Variants in SNED1 observed in about 807,000 individuals in gnomAD.
SNED1 encodes sushi, nidogen and EGF-like domain-containing protein 1.
In SNED1, 81 loss-of-function variants were observed where a neutral mutation model predicts 166.7. That is an observed-to-expected ratio of 0.49 (90% CI 0.41 to 0.58). The LOEUF is 0.58. Among genes scored for constraint, SNED1 ranks in the 20% least tolerant of loss-of-function variants. The probability of loss-of-function intolerance (pLI) is 0.00; values close to 1 mark genes in which losing one functional copy is unlikely to be tolerated. For synonymous variants in SNED1, 762 were observed against 822.0 expected, an observed-to-expected ratio of 0.93 and a Z score of 1.25; for missense variants, 1,604 against 2,000.2, an observed-to-expected ratio of 0.80 and a Z score of 3.78.
chr2:241,010,395 C>T (rs1031958127), intron 1 of SNED1: 6 of 152,352 alleles, frequency 3.9e-5, no homozygotes, highest in African/African-American at 1.4e-4. Context: ...TCTGTGCTTC[C>T]TCCTGAGCCA....
At chr2:241,016,838 TTTTC>T (rs1287643037) in intron 1 of SNED1, among the ~76,000 whole-genome samples, 5 of 150,140 alleles carry the variant, frequency 3.3e-5, no homozygotes, top group African/African-American at 4.9e-5. Flanking sequence ...TAAGTTGCAT[TTTTC>T]TTTCTTTCTT....
In SNED1 at chr2:241,048,669, C is replaced by G. The variant is rs774410922; in HGVS notation, c.1407C>G (p.Pro469=). 1.3e-5 allele frequency: 21 copies of G among 1,609,508 alleles called. No individual in the cohort carries two copies. Among genetic ancestry groups the G allele is most frequent in the Non-Finnish European group, 1.8e-5 (21 of 1,178,300 alleles). ...FMGLDCRERV[P]DDCECRNGGR... The stretch of plus-strand genomic sequence containing the variant: ...TCCCTCTCTTCGTGGCAGGAGTCCC[C>G]GATGACTGTGAGTGCCGCAACGGAG... The change falls in exon 10 of 32, where the codon CCC becomes CCG. Residue 469 remains proline, a synonymous_variant. Coordinates refer to ENST00000310397, the MANE Select transcript of SNED1 (RefSeq NM_001080437.3).
chr2:241,009,360 C>T (rs1051739235), intron 1 of SNED1, among the ~76,000 whole-genome samples: 4 of 152,208 alleles, frequency 2.6e-5, no homozygotes, highest in African/African-American at 9.6e-5. Context: ...AGGCCAGGCA[C>T]ACCCTGGGGC....
At chr2:241,062,994 T>A (rs1386757089) in intron 17 of SNED1, 90 bp downstream of exon 17, 2 of 817,564 alleles carry the variant, frequency 2.4e-6, no homozygotes, top group Non-Finnish European at 3.8e-6. Flanking sequence ...GGTCTCTGTC[T>A]GGATGGCCAG....
chr2:241,028,603 G>A (rs534581015), intron 1 of SNED1, among the ~76,000 whole-genome samples: 6 of 152,188 alleles, frequency 3.9e-5, no homozygotes, highest in South Asian at 2.1e-4. Flanking sequence ...ATTATATATC[G>A]AAGGCTTATT....
intron 30 of SNED1, chr2:241,087,988 T>C: frequency 2.5e-6 from 1 of 396,098 alleles, no homozygotes; most frequent in Non-Finnish European, 4.5e-6. Flanking sequence ...CACACGTACT[T>C]GTTTGGCATT....
chr2:241,063,562 C>T (rs746111200), intron 17 of SNED1, 25 bp from the exon 18 acceptor site: 2 of 1,523,910 alleles, frequency 1.3e-6, no homozygotes, highest in Admixed American at 1.8e-5. Flanking sequence ...GCCAGCAACA[C>T]CCTTGACACC....
intron 29 of SNED1, among the ~76,000 whole-genome samples, chr2:241,085,258 T>C (rs1575131113): frequency 6.6e-6 from 1 of 152,320 alleles, no homozygotes; most frequent in Non-Finnish European, 1.5e-5. Context: ...TAGACTGATA[T>C]TGTCCCACAG....
chr2:241,064,850 AC>A lies in SNED1; in HGVS notation c.2610del (p.Cys871AlafsTer113). On this transcript the variant is annotated frameshift_variant, in exon 20 of 32. Coordinates refer to ENST00000310397, the MANE Select transcript of SNED1 (RefSeq NM_001080437.3). LOFTEE classifies it high-confidence loss of function. The surrounding 1 kb of genome is among the most constrained non-coding windows in gnomAD (Gnocchi z 7.0). ...CCACTTTTTCTCCCCTCAGTGAGTGACCCCTGCTTCTCCAGCCCCTGTGGGG... is the reference window on the plus strand; with the variant it reads ...CCACTTTTTCTCCCCTCAGTGAGTGACCCTGCTTCTCCAGCCCCTGTGGGG... ...FFGYHCETVSDPCFSSPCGGR... is the reference protein window; with the variant it reads ...FFGYHCETVSXPCFSSPCGGR... The A allele has an allele frequency of 6.3e-7, 1 of 1,584,802 alleles. No individual in the cohort carries two copies. The highest frequency in any genetic ancestry group is 8.5e-7 in the Non-Finnish European group (1 of 1,170,988).
chr2:241,047,860 G>GGCTTCTCTGGT (rs2061695560), intron 8 of SNED1, among the ~76,000 whole-genome samples: 1 of 151,904 alleles, frequency 6.6e-6, no homozygotes, highest in East Asian at 1.9e-4. Flanking sequence ...AATCCCGGGT[G>GGCTTCTCTGGT]GCTTCTCTGG....
chr2:241,061,600 A>T (rs528645898), intron 16 of SNED1, among the ~76,000 whole-genome samples: 1 of 152,282 alleles, frequency 6.6e-6, no homozygotes, highest in African/African-American at 2.4e-5. Flanking sequence ...TAAAAGCAAA[A>T]AGTCTAGGCT....
intron 31 of SNED1, among the ~76,000 whole-genome samples, chr2:241,090,967 C>T (rs2063934339): frequency 1.3e-5 from 2 of 152,048 alleles, no homozygotes; most frequent in South Asian, 2.1e-4. Context: ...GGTCCTTCAT[C>T]GTGCAGTGCC....
chr2:241,087,983 G>T (rs550602604), intron 30 of SNED1: 2 of 396,316 alleles, frequency 5.0e-6, no homozygotes, highest in South Asian at 6.7e-5. Flanking sequence ...GTAGCCACAC[G>T]TACTTGTTTG....
At position 241,091,462 on chromosome 2, in the gene SNED1, C is replaced by T. The variant is rs554332307; in HGVS notation, c.*2-176C>T. ...GTAGAATCCTGGTGCTCTAAGAACG[C>T]GGGGTCCTCCCCGTGTGCACTGCCA... On this transcript the variant is annotated intron_variant, in intron 31 of 31. Transcript: ENST00000310397. The surrounding 1 kb of genome is among the most constrained non-coding windows in gnomAD (Gnocchi z 4.1). 1.3e-5 allele frequency among the ~76,000 whole-genome samples: 2 copies of T among 151,716 alleles called. No homozygotes were observed. Among genetic ancestry groups the T allele is most frequent in the African/African-American group, 2.4e-5 (1 of 41,246 alleles).
Position 241,011,793 on chromosome 2 carries a change from C to T in SNED1, c.213+12743C>T, listed in dbSNP as rs75748130. 0.013 allele frequency among the ~76,000 whole-genome samples: 1,915 copies of T among 152,330 alleles called. 108 individuals are homozygous for T. In the East Asian group the frequency reaches 0.18, roughly 15 times the overall value. ...GGCCTGGGCCTTGCCCACTAGCCCC[C>T]TTCCACCAGACGTTGGGACGTCCAC... On this transcript the variant is annotated intron_variant, in intron 1 of 31. Transcript: ENST00000310397.
Position 241,073,294 on chromosome 2 carries a change from C to T in SNED1, c.3846C>T (p.Asn1282=). 1 of 1,567,298 alleles carries T rather than the reference C, an allele frequency of 6.4e-7. No individual in the cohort carries two copies. The highest frequency in any genetic ancestry group is 8.6e-7 in the Non-Finnish European group (1 of 1,157,388). The change falls in exon 27 of 32, where the codon AAC becomes AAT. Residue 1282 remains asparagine (N), a synonymous_variant. Coordinates refer to ENST00000310397, the MANE Select transcript of SNED1 (RefSeq NM_001080437.3). The surrounding 1 kb of genome is among the most constrained non-coding windows in gnomAD (Gnocchi z 6.6). ...CCACAGCCTCGGCGCAGCTCGAGAACATGGAGGAAGCCCCCAAGCGGGTCA... is the reference window on the plus strand; with the variant it reads ...CCACAGCCTCGGCGCAGCTCGAGAATATGGAGGAAGCCCCCAAGCGGGTCA... ...SQPTASAQLE[N]MEEAPKRVSL... is the part of the protein sequence containing the mutation.
chr2:241,062,556 G>A (rs893923764), intron 16 of SNED1, among the ~76,000 whole-genome samples: 2 of 152,258 alleles, frequency 1.3e-5, no homozygotes, highest in South Asian at 2.1e-4. Flanking sequence ...CGTCTTCTGG[G>A]AGCCCTGGGG....
At chr2:241,004,320 C>T (rs2060158071) in intron 1 of SNED1, among the ~76,000 whole-genome samples, 1 of 152,164 alleles carries the variant, frequency 6.6e-6, no homozygotes, top group South Asian at 2.1e-4. Flanking sequence ...AAGTGTAGTA[C>T]TGATTTTTTT....
At chr2:241,060,137 A>T (rs1208847271) in intron 16 of SNED1, among the ~76,000 whole-genome samples, 1 of 152,232 alleles carries the variant, frequency 6.6e-6, no homozygotes, top group Non-Finnish European at 1.5e-5. Context: ...ATAAATTTTT[A>T]AATGCGTAAA....
Sources: allele counts gnomAD v4.1 joint callset (sites outside exome capture counted in the v4.1 genomes callset), GRCh38; gene constraint gnomAD v4.1.1; non-coding constraint Gnocchi (gnomAD v3.1); transcripts MANE v1.5; gene names NCBI Gene and HGNC (gene_info 2026-07-23, HGNC 2026-07-21).